Variants in ZNF789 observed in about 807,000 individuals in gnomAD.
The protein encoded by ZNF789 is zinc finger protein 789.
A neutral mutation model predicts 15.6 loss-of-function variants in ZNF789; 11 were observed. That is an observed-to-expected ratio of 0.70 (90% confidence interval 0.44 to 1.16). The LOEUF is 1.16. ZNF789 is among the 50% of genes most tolerant of loss of function. The probability of loss-of-function intolerance (pLI) is 0.00; values close to 1 mark genes in which losing one functional copy is unlikely to be tolerated. For missense variants in ZNF789, 461 were observed against 512.6 expected (o/e 0.90, Z 0.97); for synonymous variants, 159 against 176.0 (o/e 0.90, Z 0.76).
chr7:99,481,876 C>A, intron 3 of ZNF789: 1 of 382,182 alleles, frequency 2.6e-6, no homozygotes, highest in Non-Finnish European at 4.7e-6. Context: ...ATAAAAATCA[C>A]CTGCAGGCCT....
At chr7:99,483,600 G>C in intron 3 of ZNF789, 1 of 673,982 alleles carries the variant, frequency 1.5e-6, no homozygotes, top group South Asian at 1.6e-5. Flanking sequence ...CTCCAGCCTG[G>C]GTGACAGAGC....
intron 1 of ZNF789, among the ~76,000 whole-genome samples, chr7:99,475,177 G>T (rs1188681252): frequency 1.3e-5 from 2 of 152,152 alleles, no homozygotes; most frequent in Non-Finnish European, 2.9e-5. Flanking sequence ...TGGATCACCT[G>T]AGATCAGGAG....
At chr7:99,481,396 T>A (rs1473893714) in intron 3 of ZNF789, 1 of 152,250 alleles carries the variant, frequency 6.6e-6, no homozygotes, top group Non-Finnish European at 1.5e-5. Flanking sequence ...CTTTATTGAT[T>A]ACTGAATGAT....
intron 4 of ZNF789, 117 bp downstream of exon 4, chr7:99,484,260 T>C: frequency 1.4e-6 from 1 of 718,268 alleles, no homozygotes; most frequent in Non-Finnish European, 2.4e-6. Context: ...ATTATCCCAC[T>C]TCTTCATCCC....
At chr7:99,477,935 C>CA (rs1799421976) in intron 2 of ZNF789, among the ~76,000 whole-genome samples, 3 of 152,028 alleles carry the variant, frequency 2.0e-5, no homozygotes, top group African/African-American at 7.2e-5. Flanking sequence ...GCAACAAGAG[C>CA]GAAACTGTCT....
intron 3 of ZNF789, chr7:99,481,180 A>G (rs1357148625): frequency 6.6e-6 from 1 of 152,208 alleles, no homozygotes; most frequent in Non-Finnish European, 1.5e-5. Context: ...AGCATAATAT[A>G]ATTCCATTGT....
At chr7:99,476,586 A>G in intron 2 of ZNF789, 106 bp downstream of exon 2, 11 of 1,421,010 alleles carry the variant, frequency 7.7e-6, no homozygotes, top group Non-Finnish European at 1.1e-5. Context: ...TCCTTCTTAG[A>G]CAGTGCAATG....
intron 3 of ZNF789, among the ~76,000 whole-genome samples, chr7:99,483,502 G>A (rs1224414919): frequency 6.6e-6 from 1 of 151,592 alleles, no homozygotes; most frequent in East Asian, 1.9e-4. Context: ...TGGGGGCGCT[G>A]TGCCTGTAGT....
At chr7:99,484,286 TGGGA>T in intron 4 of ZNF789, 143 bp downstream of exon 4, 2 of 625,478 alleles carry the variant, frequency 3.2e-6, no homozygotes, top group Non-Finnish European at 5.6e-6. Context: ...CCCTGTGAAG[TGGGA>T]GGAAGATCGG....
intron 4 of ZNF789, 40 bp downstream of exon 4, chr7:99,484,183 AGGAAG>A: frequency 3.3e-6 from 5 of 1,523,808 alleles, no homozygotes; most frequent in Non-Finnish European, 4.5e-6. Context: ...AATCAGGAAG[AGGAAG>A]GGAAGGCATG....
chr7:99,480,055 G>A (rs1237309319), intron 3 of ZNF789: 5 of 432,276 alleles, frequency 1.2e-5, no homozygotes, highest in Non-Finnish European at 2.0e-5. Context: ...GCCAGGTGCG[G>A]TGGCTCACAC....
chr7:99,483,066 T>C (rs1409063967), intron 3 of ZNF789, among the ~76,000 whole-genome samples: 2 of 144,408 alleles, frequency 1.4e-5, no homozygotes. Context: ...CTCGTCTCTA[T>C]TAAAAATGTA....
At position 99,487,189 on chromosome 7, in the gene ZNF789, A is replaced by T. The variant is rs143052446; in HGVS notation, c.979A>T (p.Thr327Ser). 4.3e-6 allele frequency: 7 copies of T among 1,614,162 alleles called. No homozygotes were observed. The East Asian group carries it at 1.6e-4, about 36-fold the overall frequency. Residue 327 changes from threonine (T) to serine (S), a missense_variant, in exon 5 of 5, where the codon ACC (threonine) becomes TCC (serine). Transcript: ENST00000331410. The part of the protein sequence containing the change: ...ECGKAFGRHS[T>S]LLCHQQIHSK... The stretch of plus-strand genomic sequence containing the variant: ...TGGAAAAGCCTTTGGCCGGCATTCA[A>T]CCCTTCTATGTCATCAACAGATTCA...
chr7:99,477,067 G>T (rs1251038338), intron 2 of ZNF789, among the ~76,000 whole-genome samples: 1 of 150,894 alleles, frequency 6.6e-6, no homozygotes, highest in African/African-American at 2.4e-5. Context: ...TTTTTTTGAC[G>T]GAGTCTCACT....
At chr7:99,479,627 G>T in intron 2 of ZNF789, 34 bp from the exon 3 acceptor site, 1 of 1,560,914 alleles carries the variant, frequency 6.4e-7, no homozygotes, top group South Asian at 1.2e-5. Context: ...GTTATTTTAA[G>T]AATTGCAGTT....
chr7:99,477,159 C>T (rs1444659345), intron 2 of ZNF789, among the ~76,000 whole-genome samples: 1 of 152,002 alleles, frequency 6.6e-6, no homozygotes, highest in African/African-American at 2.4e-5. Flanking sequence ...TATCCTGCCT[C>T]AGCCTCCCAA....
At chr7:99,473,366 C>T (rs993527015) in intron 1 of ZNF789, among the ~76,000 whole-genome samples, 3 of 152,172 alleles carry the variant, frequency 2.0e-5, no homozygotes, top group Admixed American at 6.5e-5. Flanking sequence ...TAACAGTCCC[C>T]TCCAGTTAAA....
intron 3 of ZNF789, chr7:99,480,409 A>C (rs950203750): frequency 6.6e-6 from 1 of 152,274 alleles, no homozygotes; most frequent in African/African-American, 2.4e-5. Flanking sequence ...GTTATGTAAA[A>C]TATTTACACC....
intron 4 of ZNF789, chr7:99,485,133 C>T: frequency 6.6e-7 from 1 of 1,515,136 alleles, no homozygotes; most frequent in South Asian, 1.2e-5. Context: ...TGTTCCCTTG[C>T]TTTGTTTTGT....
Sources: allele counts gnomAD v4.1 joint callset (sites outside exome capture counted in the v4.1 genomes callset), GRCh38; gene constraint gnomAD v4.1.1; transcripts MANE v1.5; gene names NCBI Gene and HGNC (gene_info 2026-07-23, HGNC 2026-07-21).